EVI5L: variants seen among roughly 807,000 people sequenced by gnomAD.
The protein encoded by EVI5L is EVI5-like protein.
A neutral mutation model predicts 106.1 loss-of-function variants in EVI5L; 30 were observed. The ratio of observed to expected loss-of-function variants is 0.28; its 90% confidence interval spans 0.21 to 0.38. The LOEUF is 0.38. EVI5L is among the 10% of genes least tolerant of loss of function. The probability of loss-of-function intolerance (pLI) is 1.00; values close to 1 mark genes in which losing one functional copy is unlikely to be tolerated. For missense variants in EVI5L, 809 were observed against 1,098.0 expected (o/e 0.74, Z 3.72); for synonymous variants, 489 against 483.3 (o/e 1.01, Z -0.15).
At chr19:7,861,812 T>G (rs1282475807) in intron 14 of EVI5L, 66 bp from the exon 15 acceptor site, 3 of 1,536,240 alleles carry the variant, frequency 2.0e-6, no homozygotes, top group Admixed American at 2.0e-5. Flanking sequence ...CTGGGGGCGT[T>G]TGTCCTGCAG....
Position 7,862,974 on chromosome 19 carries a change from C to A in EVI5L, c.1950C>A (p.Ser650Arg). 6.4e-7 allele frequency: 1 copy of A among 1,560,718 alleles called. No individual in the cohort carries two copies. The highest frequency in any genetic ancestry group is 2.4e-5 in the East Asian group (1 of 41,520). ...RRKQAEAECKSKEEVMAVRLR... is the reference protein window; with the variant it reads ...RRKQAEAECKRKEEVMAVRLR... ...TCCCCCCAATCCCCCGACCCCAGAG[C>A]AAGGAGGAGGTGATGGCTGTGCGAC... Residue 650 changes from serine (S) to arginine (R), a missense_variant and splice_region_variant, in exon 18 of 20, where the codon AGC becomes AGA. Coordinates refer to ENST00000538904, the MANE Select transcript of EVI5L (RefSeq NM_001159944.3).
chr19:7,857,156 C>T lies in EVI5L; in HGVS notation c.1233+32C>T, dbSNP rs1359700342. The T allele has an allele frequency of 6.4e-7, 1 of 1,550,960 alleles. No individual in the cohort carries two copies. Among genetic ancestry groups the T allele is most frequent in the Non-Finnish European group, 8.7e-7 (1 of 1,146,874 alleles). On this transcript the variant is annotated intron_variant, in intron 12 of 19. Coordinates refer to ENST00000538904, the MANE Select transcript of EVI5L (RefSeq NM_001159944.3). The surrounding 1 kb of genome is among the most constrained non-coding windows in gnomAD (Gnocchi z 4.5). ...TAGCTTTTTATCCCCTCTCCGGATT[C>T]CTTCCTGGCCCCTTCCCTGCACCCT...
rs1979985920 is a variant in EVI5L, at chr19:7,863,820, C to T, written c.*118C>T. The T allele has an allele frequency of 2.2e-6, 3 of 1,364,104 alleles. No individual in the cohort carries two copies. The highest frequency in any genetic ancestry group is 3.1e-5 in the Admixed American group (1 of 32,462). 84.5% of individuals were successfully genotyped at this position (1,364,104 alleles called of 1,614,324 possible). ...AACTACGCGCCCTCTGTGGCTCGGC[C>T]ACCCCTAAAGCGAGGCCCGGCGAGG... is the stretch of plus-strand genomic sequence containing the variant. On this transcript the variant is annotated 3_prime_UTR_variant, in exon 20 of 20. Transcript: ENST00000538904. This position sits in a 1 kb window ranked among gnomAD's most constrained non-coding sequence, Gnocchi z 7.7.
At chr19:7,832,289 A>C (rs1475824158) in intron 1 of EVI5L, among the ~76,000 whole-genome samples, 2 of 152,226 alleles carry the variant, frequency 1.3e-5, no homozygotes, top group Non-Finnish European at 2.9e-5. Flanking sequence ...CCAGGACTGC[A>C]GGGGGCGAGG....
At position 7,863,112 on chromosome 19, in the gene EVI5L, C is replaced by G. The variant is rs1478330630; in HGVS notation, c.2043+45C>G. The G allele has an allele frequency of 5.9e-6, 9 of 1,524,428 alleles. No individual in the cohort carries two copies. The highest frequency in any genetic ancestry group is 7.0e-6 in the Non-Finnish European group (8 of 1,136,778). The allele number at this position is 1,524,428 out of a possible 1,614,324, so 94.4% of individuals were successfully genotyped here. Reference sequence around the variant, plus strand: ...TCGGGGGGCGGGGGCGGGGGCAGGGCCCGGGGCAGGAGCGGGGCCGGACCC... The same window carrying G: ...TCGGGGGGCGGGGGCGGGGGCAGGGGCCGGGGCAGGAGCGGGGCCGGACCC... On this transcript the variant is annotated intron_variant, in intron 18 of 19. Transcript: ENST00000538904. The surrounding 1 kb of genome is among the most constrained non-coding windows in gnomAD (Gnocchi z 7.7).
At chr19:7,851,638 C>T (rs1260702528) in intron 7 of EVI5L, 43 bp from the exon 8 acceptor site, 3 of 1,590,204 alleles carry the variant, frequency 1.9e-6, no homozygotes, top group African/African-American at 2.7e-5. Flanking sequence ...GGAACAGGAG[C>T]CTCCCTGCCC....
At position 7,863,291 on chromosome 19, in the gene EVI5L, G is replaced by A. The variant is rs1162078554; in HGVS notation, c.2139+11G>A. On this transcript the variant is annotated intron_variant, in intron 19 of 19. Transcript: ENST00000538904. The surrounding 1 kb of genome is among the most constrained non-coding windows in gnomAD (Gnocchi z 7.7). ...GAGCTGAAGGCCGAGGTGAGCCGGC[G>A]CGGGGATGCCGGGGACAGGCCTGGG... 4.5e-6 allele frequency: 7 copies of A among 1,552,528 alleles called. No individual in the cohort carries two copies. The highest frequency in any genetic ancestry group is 6.1e-6 in the Non-Finnish European group (7 of 1,148,168).
chr19:7,860,715 G>A, intron 14 of EVI5L, 26 bp downstream of exon 14: 2 of 1,555,164 alleles, frequency 1.3e-6, no homozygotes, highest in South Asian at 1.2e-5. Flanking sequence ...AGACGGGCAG[G>A]TGTCGGGGGG....
chr19:7,832,100 G>A (rs1978295862), intron 1 of EVI5L, among the ~76,000 whole-genome samples: 1 of 152,188 alleles, frequency 6.6e-6, no homozygotes, highest in African/African-American at 2.4e-5. Flanking sequence ...GTCTTTTGTG[G>A]CTCTTCCCAT....
chr19:7,841,068 G>A (rs1387951064), intron 1 of EVI5L, among the ~76,000 whole-genome samples: 1 of 152,142 alleles, frequency 6.6e-6, no homozygotes, highest in Non-Finnish European at 1.5e-5. Flanking sequence ...ATCTCAATCT[G>A]TGAAGGAGGG....
In EVI5L at chr19:7,863,373, G is replaced by A. The variant is rs1182091866; in HGVS notation, c.2140-51G>A. 6.5e-6 allele frequency: 10 copies of A among 1,535,728 alleles called. No individual in the cohort carries two copies. In the Admixed American group the frequency reaches 1.8e-4, roughly 27 times the overall value. On this transcript the variant is annotated intron_variant, in intron 19 of 19. Coordinates refer to ENST00000538904, the MANE Select transcript of EVI5L (RefSeq NM_001159944.3). This position sits in a 1 kb window ranked among gnomAD's most constrained non-coding sequence, Gnocchi z 7.7. ...TGCCTTGCGGAGGATGCGGCTGGGA[G>A]GGCGGGGCAGAAGGCCGGTCCACGC...
intron 14 of EVI5L, among the ~76,000 whole-genome samples, chr19:7,860,899 C>T (rs1034669473): frequency 6.6e-6 from 1 of 152,144 alleles, no homozygotes; most frequent in African/African-American, 2.4e-5. Flanking sequence ...CTTCTATGAG[C>T]TTCCCGGATA....
At chr19:7,844,647 C>T (rs1451052481) in intron 1 of EVI5L, among the ~76,000 whole-genome samples, 2 of 152,236 alleles carry the variant, frequency 1.3e-5, no homozygotes, top group Admixed American at 6.5e-5. Flanking sequence ...GTCCCTGCCT[C>T]GGGAATGATT....
chr19:7,852,563 T>C (rs1209770556), intron 8 of EVI5L, among the ~76,000 whole-genome samples: 1 of 64,832 alleles, frequency 1.5e-5, no homozygotes, highest in Non-Finnish European at 3.5e-5. Flanking sequence ...CCTTTTTCTT[T>C]TTTTTTTTAA....
intron 13 of EVI5L, chr19:7,859,203 A>AC (rs201949608): frequency 0.15 from 22,892 of 150,794 alleles, 2,311 homozygotes; most frequent in Middle Eastern, 0.22. Context: ...AAAAAAAAAA[A>AC]AAAAAAACTT....
rs1220303313 is a variant in EVI5L, at chr19:7,864,704, C to A, written c.*1002C>A. On this transcript the variant is annotated 3_prime_UTR_variant, in exon 20 of 20. Coordinates refer to ENST00000538904, the MANE Select transcript of EVI5L (RefSeq NM_001159944.3). The surrounding 1 kb of genome is among the most constrained non-coding windows in gnomAD (Gnocchi z 4.5). Reference sequence around the variant, plus strand: ...TCCCTTCCCCCGGCCCCCCGGGCCTCATGACCCTGGGGGCTGCCCCCCTCG... The same window carrying A: ...TCCCTTCCCCCGGCCCCCCGGGCCTAATGACCCTGGGGGCTGCCCCCCTCG... The A allele has an allele frequency of 6.6e-6, 1 of 152,386 alleles. No individual in the cohort carries two copies. The highest frequency in any genetic ancestry group is 1.5e-5 in the Non-Finnish European group (1 of 68,080). The allele number at this position is 152,386 out of a possible 1,614,324, so 9.4% of individuals were successfully genotyped here. A position where few individuals can be genotyped will look rare whatever the true frequency, so the allele number is the denominator to read the frequency against.
chr19:7,848,335 G>A lies in EVI5L; in HGVS notation c.327+414G>A, dbSNP rs1452650984. Among the ~76,000 whole-genome samples, 1 of 152,124 alleles carries A rather than the reference G, an allele frequency of 6.6e-6. No homozygotes were observed. The highest frequency in any genetic ancestry group is 1.5e-5 in the Non-Finnish European group (1 of 68,034). On this transcript the variant is annotated intron_variant, in intron 3 of 19. Transcript: ENST00000538904. This position sits in a 1 kb window ranked among gnomAD's most constrained non-coding sequence, Gnocchi z 4.8. ...AGGTAGGCCGGGCGCAGTGGCTCACGCCTGTAATCCCAGTTCGTTGGAAGG... is the reference window on the plus strand; with the variant it reads ...AGGTAGGCCGGGCGCAGTGGCTCACACCTGTAATCCCAGTTCGTTGGAAGG...
intron 17 of EVI5L, 52 bp from the exon 18 acceptor site, chr19:7,862,920 T>G (rs1487911243): frequency 2.3e-6 from 3 of 1,279,940 alleles, no homozygotes; most frequent in Non-Finnish European, 3.2e-6. Flanking sequence ...CGCCCCCTGA[T>G]GCGCCGCGCC....
At chr19:7,846,377 G>A in intron 1 of EVI5L, 119 bp from the exon 2 acceptor site, 2 of 881,924 alleles carry the variant, frequency 2.3e-6, no homozygotes, top group South Asian at 3.7e-5. Flanking sequence ...GATGAGGGGT[G>A]CACGGACGGG....
Sources: gnomAD v4.1 joint callset for allele counts (sites outside exome capture counted in the v4.1 genomes callset) on GRCh38, gnomAD v4.1.1 for gene constraint, Gnocchi (gnomAD v3.1) non-coding constraint, MANE v1.5 for transcripts, NCBI Gene and HGNC (gene_info 2026-07-23, HGNC 2026-07-21) for gene names.